FAM184B: variants seen among roughly 807,000 people sequenced by gnomAD.
FAM184B encodes protein FAM184B.
FAM184B carries 111 observed loss-of-function variants against 135.9 expected under a neutral mutation model. The ratio of observed to expected loss-of-function variants is 0.82; its 90% CI spans 0.70 to 0.96. The LOEUF is 0.96. FAM184B is among the 40% of genes least tolerant of loss of function. FAM184B has a pLI of 0.00. For synonymous variants in FAM184B, 552 were observed against 524.8 expected, an observed-to-expected ratio of 1.05 and a Z score of -0.71; for missense variants, 1,375 against 1,323.9, an observed-to-expected ratio of 1.04 and a Z score of -0.60.
At chr4:17,713,663 C>A (rs777124234) in intron 1 of FAM184B, among the ~76,000 whole-genome samples, 7 of 152,154 alleles carry the variant, frequency 4.6e-5, no homozygotes, top group Non-Finnish European at 8.8e-5. Flanking sequence ...AGTTCAGTAG[C>A]TTTTGTGAAG....
rs74488779 is a variant in FAM184B, at chr4:17,674,574, G to T, written c.1597-9915C>A. Among the ~76,000 whole-genome samples, 634 of 152,170 alleles carry T rather than the reference G, an allele frequency of 4.2e-3. 2 individuals carry two copies. The highest frequency in any genetic ancestry group is 0.014 in the African/African-American group (602 of 41,536). On this transcript the variant is annotated intron_variant, in intron 7 of 17. Transcript: ENST00000265018. The stretch of plus-strand genomic sequence containing the variant: ...AGATAACAATGAAGTTTGCCACATC[G>T]CTTGACTCTGTCTTTCACAAGAGAT...
intron 9 of FAM184B, among the ~76,000 whole-genome samples, chr4:17,659,533 C>G (rs530473261): frequency 6.6e-6 from 1 of 152,078 alleles, no homozygotes; most frequent in Non-Finnish European, 1.5e-5. Context: ...GTCACCCAGG[C>G]TGGAGTGCAG....
intron 10 of FAM184B, among the ~76,000 whole-genome samples, chr4:17,656,850 T>C (rs1043415381): frequency 5.9e-5 from 9 of 152,286 alleles, no homozygotes; most frequent in African/African-American, 2.2e-4. Context: ...GAGGCAGCCA[T>C]TGTCAACTCC....
intron 5 of FAM184B, among the ~76,000 whole-genome samples, chr4:17,698,462 T>C (rs966439081): frequency 1.3e-5 from 2 of 152,216 alleles, no homozygotes; most frequent in African/African-American, 2.4e-5. Context: ...GAGATTTCAG[T>C]TGGCGTATTA....
intron 8 of FAM184B, among the ~76,000 whole-genome samples, chr4:17,661,370 G>A (rs1452019346): frequency 2.6e-5 from 4 of 152,084 alleles, no homozygotes; most frequent in Admixed American, 1.3e-4. Flanking sequence ...GGCCAACATG[G>A]TGAAACCCCG....
intron 5 of FAM184B, among the ~76,000 whole-genome samples, chr4:17,695,926 G>A (rs1716847031): frequency 6.6e-6 from 1 of 151,976 alleles, no homozygotes; most frequent in African/African-American, 2.4e-5. Flanking sequence ...AGAACATGAA[G>A]GAAAATATAA....
intron 1 of FAM184B, among the ~76,000 whole-genome samples, chr4:17,770,657 G>A (rs1270149928): frequency 6.6e-6 from 1 of 152,068 alleles, no homozygotes. Flanking sequence ...CTAGAGACGG[G>A]GTTTCACCAT....
intron 1 of FAM184B, among the ~76,000 whole-genome samples, chr4:17,761,393 T>C (rs916459620): frequency 1.3e-5 from 2 of 152,168 alleles, no homozygotes; most frequent in African/African-American, 2.4e-5. Flanking sequence ...TCCAGAACTG[T>C]GAGAAATAAA....
At chr4:17,658,229 T>C in intron 10 of FAM184B, 121 bp downstream of exon 10, 1 of 949,222 alleles carries the variant, frequency 1.1e-6, no homozygotes, top group Non-Finnish European at 1.6e-6. Context: ...AATACAATAA[T>C]AACAATCTGG....
chr4:17,732,188 G>T (rs1451907506), intron 1 of FAM184B, among the ~76,000 whole-genome samples: 3 of 152,184 alleles, frequency 2.0e-5, no homozygotes, highest in Non-Finnish European at 4.4e-5. Flanking sequence ...TTAAAGCAGT[G>T]TGTAGAAGGA....
chr4:17,652,679 C>G (rs1355135973), intron 11 of FAM184B, 151 bp downstream of exon 11: 5 of 917,926 alleles, frequency 5.4e-6, no homozygotes, highest in Non-Finnish European at 6.4e-6. Context: ...ATCTGAGAGC[C>G]CTGGAGCCCT....
intron 13 of FAM184B, among the ~76,000 whole-genome samples, chr4:17,640,207 T>A (rs889883605): frequency 1.1e-4 from 16 of 149,096 alleles, no homozygotes; most frequent in Non-Finnish European, 1.9e-4. Flanking sequence ...GTGCGGTGGC[T>A]CACATCTGTA....
chr4:17,769,819 C>T (rs1485235206), intron 1 of FAM184B, among the ~76,000 whole-genome samples: 1 of 152,170 alleles, frequency 6.6e-6, no homozygotes, highest in Non-Finnish European at 1.5e-5. Context: ...ACTTGCCAGG[C>T]ACTGTTCTAG....
chr4:17,679,674 T>G (rs1029176197), intron 7 of FAM184B, among the ~76,000 whole-genome samples: 26 of 152,124 alleles, frequency 1.7e-4, no homozygotes, highest in African/African-American at 6.3e-4. Flanking sequence ...CACTACTGGG[T>G]ATCTACCCTG....
chr4:17,676,326 A>G (rs1483604202), intron 7 of FAM184B, among the ~76,000 whole-genome samples: 2 of 152,338 alleles, frequency 1.3e-5, no homozygotes, highest in African/African-American at 2.4e-5. Context: ...TAAGTTCACC[A>G]TCTTCTACGG....
At position 17,708,701 on chromosome 4, in the gene FAM184B, A is replaced by C. The variant is rs1308400409; in HGVS notation, c.894+191T>G. The stretch of plus-strand genomic sequence containing the variant: ...TATATATATATATATATATATATAT[A>C]TATATATAGTGTCTGTGTGTGTGTG... On this transcript the variant is annotated intron_variant, in intron 2 of 17. Transcript: ENST00000265018. 7.7e-3 allele frequency among the ~76,000 whole-genome samples: 426 copies of C among 55,236 alleles called. 1 individual carries two copies. Among genetic ancestry groups the C allele is most frequent in the Non-Finnish European group, 0.012 (367 of 31,196 alleles). 36.2% of individuals were successfully genotyped at this position (55,236 alleles called of 152,430 possible). A position where few individuals can be genotyped will look rare whatever the true frequency, so the allele number is the denominator to read the frequency against.
Position 17,705,088 on chromosome 4 carries a change from T to G in FAM184B, c.1289A>C (p.Lys430Thr). 6.4e-7 allele frequency: 1 copy of G among 1,551,784 alleles called. No individual in the cohort carries two copies. Among genetic ancestry groups the G allele is most frequent in the Non-Finnish European group, 8.7e-7 (1 of 1,147,016 alleles). Residue 430 changes from lysine to threonine, a missense_variant, in exon 5 of 18, where the codon AAG becomes ACG. Lys to Thr is a moderately conservative substitution (Grantham distance 78). Transcript: ENST00000265018. ...EKKHLKDQLV[K>T]RLEDLVKKHT... ...CTTCTTTACCAAGTCTTCTAGTCGCTTCACTAGCTGGTCTTTGAGATGTTT... is the reference window on the plus strand; with the variant it reads ...CTTCTTTACCAAGTCTTCTAGTCGCGTCACTAGCTGGTCTTTGAGATGTTT...
intron 11 of FAM184B, among the ~76,000 whole-genome samples, chr4:17,650,520 G>A (rs938866834): frequency 6.6e-6 from 1 of 152,294 alleles, no homozygotes; most frequent in South Asian, 2.1e-4. Flanking sequence ...TGGGGCTGCT[G>A]TGGAGTCAGA....
At chr4:17,636,457 G>T in intron 15 of FAM184B, 71 bp downstream of exon 15, 1 of 1,177,136 alleles carries the variant, frequency 8.5e-7, no homozygotes, top group Non-Finnish European at 1.2e-6. Context: ...GGGTGCAAGT[G>T]AACGCCCCTC....
Sources: gnomAD v4.1 joint callset for allele counts (sites outside exome capture counted in the v4.1 genomes callset) on GRCh38, gnomAD v4.1.1 for gene constraint, MANE v1.5 for transcripts, NCBI Gene and HGNC (gene_info 2026-07-23, HGNC 2026-07-21) for gene names.